Variants in KIF26B observed in about 807,000 individuals in gnomAD.
KIF26B encodes kinesin-like protein KIF26B.
Under a neutral mutation model 151.2 loss-of-function variants are expected in KIF26B, and 63 were observed. The ratio of observed to expected loss-of-function variants is 0.42; its 90% confidence interval spans 0.34 to 0.51. The LOEUF is 0.51. KIF26B is among the 20% of genes least tolerant of loss of function. The pLI, the probability that KIF26B is intolerant of heterozygous loss-of-function variation, is 0.07. For synonymous variants in KIF26B, 1,357 were observed against 1,262.1 expected (o/e 1.08, Z -1.59); for missense variants, 2,813 against 2,913.6 (o/e 0.97, Z 0.79).
intron 9 of KIF26B, among the ~76,000 whole-genome samples, chr1:245,625,148 G>A (rs1189250577): frequency 1.3e-5 from 2 of 152,154 alleles, no homozygotes; most frequent in African/African-American, 4.8e-5. Flanking sequence ...ATACCACACT[G>A]TTTTGATTAT....
intron 2 of KIF26B, 55 bp downstream of exon 2, chr1:245,156,738 C>CCACCCA: frequency 8.4e-7 from 1 of 1,190,812 alleles, no homozygotes; most frequent in South Asian, 1.9e-5. Context: ...GGCCGGGCCG[C>CCACCCA]CACCCACAGC....
intron 2 of KIF26B, among the ~76,000 whole-genome samples, chr1:245,229,863 G>A (rs1036221961): frequency 1.3e-5 from 2 of 152,160 alleles, no homozygotes; most frequent in East Asian, 1.9e-4. Flanking sequence ...GGCCGGGTTC[G>A]GTGGCTCACG....
chr1:245,284,781 G>A (rs1200461485), intron 2 of KIF26B, among the ~76,000 whole-genome samples: 1 of 152,232 alleles, frequency 6.6e-6, no homozygotes, highest in Non-Finnish European at 1.5e-5. Context: ...GCTCATGCCT[G>A]TAATCCCAGC....
Position 245,390,938 on chromosome 1 carries a change from A to ACAAAACAAAACAAAAC in KIF26B, c.999+23571_999+23572insCAAAACAAAACAAAAC, listed in dbSNP as rs1352654367. Among the ~76,000 whole-genome samples the ACAAAACAAAACAAAAC allele has an allele frequency of 2.9e-4, 28 of 96,006 alleles. 2 individuals carry two copies. The highest frequency in any genetic ancestry group is 2.4e-3 in the African/African-American group (28 of 11,604). The allele number at this position is 96,006 out of a possible 152,430, so 63.0% of individuals were successfully genotyped here. A position where few individuals can be genotyped will look rare whatever the true frequency, so the allele number is the denominator to read the frequency against. On this transcript the variant is annotated intron_variant, in intron 3 of 14. Transcript: ENST00000407071. ...CCCTGTCTCAAAAAAAAAAAAAAAA[A>ACAAAACAAAACAAAAC]AAAAAAAAAAAAAACCACCATAAAA...
intron 2 of KIF26B, among the ~76,000 whole-genome samples, chr1:245,293,322 G>A (rs914714063): frequency 1.3e-5 from 2 of 152,112 alleles, no homozygotes; most frequent in African/African-American, 4.8e-5. Flanking sequence ...GCAGGAGGGG[G>A]TGGTTGACGG....
chr1:245,678,175 G>A (rs2044378491), intron 10 of KIF26B, among the ~76,000 whole-genome samples: 1 of 152,142 alleles, frequency 6.6e-6, no homozygotes, highest in Non-Finnish European at 1.5e-5. Flanking sequence ...GTATTTCAAA[G>A]CCGTGGTTCT....
chr1:245,185,329 G>A (rs1304575601), intron 2 of KIF26B, among the ~76,000 whole-genome samples: 1 of 152,036 alleles, frequency 6.6e-6, no homozygotes, highest in African/African-American at 2.4e-5. Flanking sequence ...AGTAGAGATG[G>A]GGTTTCGCCA....
intron 5 of KIF26B, among the ~76,000 whole-genome samples, chr1:245,570,539 T>C (rs1011645266): frequency 2.0e-5 from 3 of 152,188 alleles, no homozygotes; most frequent in Non-Finnish European, 2.9e-5. Context: ...CTTGGGAATA[T>C]GAATTCATGT....
At chr1:245,186,088 TG>T (rs1374461147) in intron 2 of KIF26B, among the ~76,000 whole-genome samples, 1 of 152,178 alleles carries the variant, frequency 6.6e-6, no homozygotes, top group East Asian at 1.9e-4. Flanking sequence ...TTGGTCAGGC[TG>T]GTCTCGAACC....
rs1243682644 is a variant in KIF26B at position 245,706,118 on chromosome 1, C to T, written c.*3512C>T. 2.6e-5 allele frequency: 4 copies of T among 152,184 alleles called. No individual in the cohort carries two copies. Among genetic ancestry groups the T allele is most frequent in the Non-Finnish European group, 5.9e-5 (4 of 68,038 alleles). 9.4% of individuals were successfully genotyped at this position (152,184 alleles called of 1,614,324 possible). ...CAGGCAGGAATCTGGCCTGGTTTGT[C>T]ATAAATTAGCCTTCAACTTGAAGTC... is the stretch of plus-strand genomic sequence containing the variant. On this transcript the variant is annotated 3_prime_UTR_variant, in exon 15 of 15. Coordinates refer to ENST00000407071, the MANE Select transcript of KIF26B (RefSeq NM_018012.4).
chr1:245,608,035 A>T (rs1412837685), intron 7 of KIF26B, among the ~76,000 whole-genome samples: 1 of 152,182 alleles, frequency 6.6e-6, no homozygotes, highest in Non-Finnish European at 1.5e-5. Flanking sequence ...GCAGGAAAAT[A>T]TTCATTTCCT....
At chr1:245,694,943 C>T (rs1203213082) in intron 12 of KIF26B, among the ~76,000 whole-genome samples, 3 of 152,212 alleles carry the variant, frequency 2.0e-5, no homozygotes, top group Non-Finnish European at 2.9e-5. Flanking sequence ...AACCCACCGG[C>T]GTCAGCAGGA....
chr1:245,381,376 C>A (rs1016247795), intron 3 of KIF26B, among the ~76,000 whole-genome samples: 4 of 152,198 alleles, frequency 2.6e-5, no homozygotes, highest in African/African-American at 4.8e-5. Context: ...GTGTACAGTT[C>A]ATCAAGCTTG....
intron 5 of KIF26B, among the ~76,000 whole-genome samples, chr1:245,570,052 C>A (rs2043052054): frequency 6.7e-6 from 1 of 148,474 alleles, no homozygotes. Flanking sequence ...TCTCCTGCCT[C>A]AGCCTCCGGA....
chr1:245,592,787 C>T (rs941106841), intron 5 of KIF26B, among the ~76,000 whole-genome samples: 1 of 152,118 alleles, frequency 6.6e-6, no homozygotes, highest in Non-Finnish European at 1.5e-5. Flanking sequence ...GAAATTTAAG[C>T]CAATTTACTT....
chr1:245,406,642 T>A (rs1285739576), intron 3 of KIF26B, among the ~76,000 whole-genome samples: 1 of 152,124 alleles, frequency 6.6e-6, no homozygotes, highest in Non-Finnish European at 1.5e-5. Flanking sequence ...CTAATTTCAG[T>A]CTCTTAATCT....
At chr1:245,566,168 C>G (rs1401531294) in intron 5 of KIF26B, among the ~76,000 whole-genome samples, 1 of 152,246 alleles carries the variant, frequency 6.6e-6, no homozygotes, top group Non-Finnish European at 1.5e-5. Flanking sequence ...GGGCAAACCT[C>G]TGAGCCATAT....
intron 4 of KIF26B, among the ~76,000 whole-genome samples, chr1:245,509,048 G>C (rs1660778784): frequency 6.6e-6 from 1 of 152,160 alleles, no homozygotes; most frequent in South Asian, 2.1e-4. Context: ...CAATAGTAGA[G>C]CAAACGTCTA....
chr1:245,216,710 G>C (rs1347822345), intron 2 of KIF26B, among the ~76,000 whole-genome samples: 1 of 152,146 alleles, frequency 6.6e-6, no homozygotes, highest in Non-Finnish European at 1.5e-5. Flanking sequence ...CCTGGAAATA[G>C]GCATCACCCG....
Sources: gnomAD v4.1 joint callset for allele counts (sites outside exome capture counted in the v4.1 genomes callset) on GRCh38, gnomAD v4.1.1 for gene constraint, MANE v1.5 for transcripts, NCBI Gene and HGNC (gene_info 2026-07-23, HGNC 2026-07-21) for gene names.